SUGCT: variants seen among roughly 807,000 people sequenced by gnomAD.
SUGCT encodes the protein succinyl-CoA:glutarate CoA-transferase.
A neutral mutation model predicts 55.0 loss-of-function variants in SUGCT; 41 were observed. That is an observed-to-expected ratio of 0.74 (90% CI 0.58 to 0.97). The LOEUF (loss-of-function observed/expected upper bound fraction) is 0.97, where lower values mean the gene tolerates loss of function less well. Among genes scored for constraint, SUGCT ranks in the 50% least tolerant of loss-of-function variants. The pLI is 0.00. For synonymous variants in SUGCT, 187 were observed against 200.4 expected (o/e 0.93, Z 0.56); for missense variants, 568 against 547.8 (o/e 1.04, Z -0.37).
chr7:40,383,927 C>T (rs545433772), intron 9 of SUGCT, among the ~76,000 whole-genome samples: 13 of 152,212 alleles, frequency 8.5e-5, no homozygotes, highest in East Asian at 7.7e-4. Context: ...GATCTCCCCC[C>T]GCTGCCCCAC....
intron 13 of SUGCT, among the ~76,000 whole-genome samples, chr7:40,780,624 C>T (rs1789688111): frequency 6.6e-6 from 1 of 152,032 alleles, no homozygotes; most frequent in Admixed American, 6.6e-5. Context: ...CTGACAGTAC[C>T]CTCATTACTG....
chr7:40,540,126 T>C (rs878922116), intron 12 of SUGCT, among the ~76,000 whole-genome samples: 4 of 152,198 alleles, frequency 2.6e-5, no homozygotes, highest in Admixed American at 2.0e-4. Context: ...AGGAAAATCT[T>C]CCACTTACTC....
intron 1 of SUGCT, among the ~76,000 whole-genome samples, chr7:40,176,257 A>G (rs1356400705): frequency 6.6e-6 from 1 of 151,974 alleles, no homozygotes; most frequent in Non-Finnish European, 1.5e-5. Context: ...GAGTAGTCAA[A>G]TTCCCAAATA....
At chr7:40,460,981 A>T (rs1327761692) in intron 11 of SUGCT, among the ~76,000 whole-genome samples, 18 of 152,152 alleles carry the variant, frequency 1.2e-4, no homozygotes, top group Admixed American at 1.2e-3. Context: ...AACACAGACC[A>T]CAGATAGAGC....
At chr7:40,726,783 G>A (rs1786635412) in intron 12 of SUGCT, among the ~76,000 whole-genome samples, 1 of 152,202 alleles carries the variant, frequency 6.6e-6, no homozygotes. Flanking sequence ...GACTGCACAG[G>A]TGCTGCTTGG....
At chr7:40,736,024 TAGAAG>T (rs1285520407) in intron 12 of SUGCT, among the ~76,000 whole-genome samples, 1 of 151,690 alleles carries the variant, frequency 6.6e-6, no homozygotes, top group Non-Finnish European at 1.5e-5. Flanking sequence ...GTAGATTAGA[TAGAAG>T]AGAGAATTCA....
intron 12 of SUGCT, among the ~76,000 whole-genome samples, chr7:40,626,148 T>G (rs1335692008): frequency 2.0e-5 from 3 of 152,174 alleles, no homozygotes; most frequent in Non-Finnish European, 2.9e-5. Flanking sequence ...TTCCTTTATC[T>G]AAATGTTCCA....
intron 11 of SUGCT, 21 bp downstream of exon 11, chr7:40,459,219 C>A: frequency 6.8e-7 from 1 of 1,462,076 alleles, no homozygotes; most frequent in South Asian, 1.2e-5. Flanking sequence ...ATGTTGTATT[C>A]ATCCATTTAA....
the SUGCT span, among the ~76,000 whole-genome samples, chr7:41,037,204 T>A: frequency 6.6e-6 from 1 of 152,172 alleles, no homozygotes; most frequent in East Asian, 1.9e-4. Flanking sequence ...CAAGGGCATT[T>A]GTCTCCATTA....
At chr7:40,961,873 G>A in the SUGCT span, among the ~76,000 whole-genome samples, 2 of 152,182 alleles carry the variant, frequency 1.3e-5, no homozygotes, top group Non-Finnish European at 1.5e-5. Flanking sequence ...CTGGCCTCAG[G>A]AGTGAAGCTG....
At chr7:40,494,148 G>C (rs1791849317) in intron 11 of SUGCT, among the ~76,000 whole-genome samples, 1 of 152,176 alleles carries the variant, frequency 6.6e-6, no homozygotes, top group African/African-American at 2.4e-5. Context: ...CTGCAGCCAT[G>C]GGTTGTTTGG....
intron 1 of SUGCT, among the ~76,000 whole-genome samples, chr7:40,158,491 CTG>C (rs1423268800): frequency 2.0e-5 from 3 of 152,188 alleles, no homozygotes; most frequent in Non-Finnish European, 1.5e-5. Flanking sequence ...TGGCTCACGC[CTG>C]TAATCCCAGC....
intron 12 of SUGCT, among the ~76,000 whole-genome samples, chr7:40,575,943 CAAAAA>C (rs766046012): frequency 1.4e-5 from 1 of 69,698 alleles, no homozygotes; most frequent in African/African-American, 4.5e-5. Context: ...GACACTGTCT[CAAAAA>C]AAAAAAAAAA....
chr7:40,806,817 G>A (rs1268739913), intron 13 of SUGCT, among the ~76,000 whole-genome samples: 3 of 152,154 alleles, frequency 2.0e-5, no homozygotes, highest in Non-Finnish European at 2.9e-5. Context: ...TAGAGGCTGG[G>A]GGTTTCAACT....
At chr7:40,756,071 T>C (rs946067009) in intron 13 of SUGCT, among the ~76,000 whole-genome samples, 4 of 152,204 alleles carry the variant, frequency 2.6e-5, no homozygotes, top group African/African-American at 9.6e-5. Flanking sequence ...TTGTATAAAG[T>C]TGAATGTACT....
At chr7:40,418,834 G>C (rs1351145196) in intron 9 of SUGCT, among the ~76,000 whole-genome samples, 2 of 152,146 alleles carry the variant, frequency 1.3e-5, no homozygotes, top group Non-Finnish European at 2.9e-5. Context: ...TGCCCTGTCA[G>C]TGTTGGGCAG....
intron 12 of SUGCT, among the ~76,000 whole-genome samples, chr7:40,678,997 A>T (rs1784123119): frequency 6.6e-6 from 1 of 152,356 alleles, no homozygotes; most frequent in South Asian, 2.1e-4. Context: ...GTAGCCACCT[A>T]TAGTTCAAGA....
intron 10 of SUGCT, among the ~76,000 whole-genome samples, chr7:40,456,496 T>C (rs957164318): frequency 1.3e-5 from 2 of 152,200 alleles, no homozygotes; most frequent in Non-Finnish European, 2.9e-5. Flanking sequence ...TAAAATACTT[T>C]GACTTTGTGA....
At chr7:40,890,434 C>T in the SUGCT span, among the ~76,000 whole-genome samples, 26 of 151,228 alleles carry the variant, frequency 1.7e-4, 1 homozygote, top group East Asian at 1.7e-3. Context: ...ATGTCCAGGC[C>T]GCTTCCCTGT....
Sources: gnomAD v4.1 joint callset for allele counts (sites outside exome capture counted in the v4.1 genomes callset) on GRCh38, gnomAD v4.1.1 for gene constraint, MANE v1.5 for transcripts, NCBI Gene and HGNC (gene_info 2026-07-23, HGNC 2026-07-21) for gene names.